Variants in CEP164 observed in about 807,000 individuals in gnomAD.
CEP164 encodes centrosomal protein of 164 kDa.
In CEP164, 162 loss-of-function variants were observed where a neutral mutation model predicts 182.7. The observed-to-expected ratio is 0.89, with a 90% CI of 0.78 to 1.01. The LOEUF is 1.01. Ranked by LOEUF, CEP164 falls within the 50% of genes least tolerant of loss-of-function variation. The pLI, the probability that CEP164 is intolerant of heterozygous loss-of-function variation, is 0.00. For synonymous variants in CEP164, 661 were observed against 690.0 expected, an observed-to-expected ratio of 0.96 and a Z score of 0.66; for missense variants, 1,735 against 1,790.4, an observed-to-expected ratio of 0.97 and a Z score of 0.56.
intron 4 of CEP164, among the ~76,000 whole-genome samples, chr11:117,348,484 CTT>C (rs2039238966): frequency 6.6e-6 from 1 of 152,040 alleles, no homozygotes; most frequent in Non-Finnish European, 1.5e-5. Flanking sequence ...TGGCAGAACT[CTT>C]TGATTATTCT....
chr11:117,400,926 C>T (rs2046062377), intron 27 of CEP164, among the ~76,000 whole-genome samples: 1 of 152,200 alleles, frequency 6.6e-6, no homozygotes, highest in African/African-American at 2.4e-5. Flanking sequence ...GTCATGTCAT[C>T]TGCAAACAGA....
rs1467858639 is a variant in CEP164 at position 117,361,972 on chromosome 11, T to C, written c.531T>C (p.Arg177=). The part of the protein sequence containing the change: ...VSLGSSVESG[R]QLGELMLPSQ... Reference sequence around the variant, plus strand: ...TGGGGAGCTCAGTGGAGTCTGGACGTCAGCTTGGAGAACTCATGCTGGTAA... The same window carrying C: ...TGGGGAGCTCAGTGGAGTCTGGACGCCAGCTTGGAGAACTCATGCTGGTAA... The change falls in exon 6 of 33, where the codon CGT becomes CGC. Residue 177 remains arginine (R), a synonymous_variant. Transcript: ENST00000278935. 1 of 1,583,558 alleles carries C rather than the reference T, an allele frequency of 6.3e-7. No homozygotes were observed. The highest frequency in any genetic ancestry group is 8.6e-7 in the Non-Finnish European group (1 of 1,169,496).
At chr11:117,380,527 T>C (rs755154957) in intron 11 of CEP164, 87 bp from the exon 12 acceptor site, 3 of 1,070,970 alleles carry the variant, frequency 2.8e-6, no homozygotes, top group Non-Finnish European at 4.2e-6. Flanking sequence ...CTCAGTGCTT[T>C]CGTCTAAGCT....
intron 14 of CEP164, chr11:117,386,030 G>A (rs1468981927): frequency 6.6e-6 from 1 of 152,220 alleles, no homozygotes; most frequent in African/African-American, 2.4e-5. Context: ...GAGCTGGAGG[G>A]AGAAGGGATT....
intron 2 of CEP164, chr11:117,336,610 G>C (rs1300263927): frequency 9.7e-6 from 13 of 1,342,876 alleles, no homozygotes; most frequent in African/African-American, 1.4e-5. Context: ...GGCCCTGGCT[G>C]TCTGGCATTG....
chr11:117,363,525 A>G lies in CEP164; in HGVS notation c.765+19A>G, dbSNP rs970485689. 15 of 1,570,956 alleles carry G rather than the reference A, an allele frequency of 9.5e-6. No individual in the cohort carries two copies. The highest frequency in any genetic ancestry group is 1.7e-5 in the Admixed American group (1 of 59,696). On this transcript the variant is annotated intron_variant, in intron 8 of 32. Coordinates refer to ENST00000278935, the MANE Select transcript of CEP164 (RefSeq NM_014956.5). The stretch of plus-strand genomic sequence containing the variant: ...GTATGAGGTAAGAGCCCTAATCCCT[A>G]CAGGCACATGTGTCAGCCTGGCATA...
chr11:117,394,989 C>T lies in CEP164; in HGVS notation c.2830C>T (p.Leu944=), dbSNP rs535510256. 1 of 1,614,188 alleles carries T rather than the reference C, an allele frequency of 6.2e-7. No individual in the cohort carries two copies. Among genetic ancestry groups the T allele is most frequent in the Middle Eastern group, 1.7e-4 (1 of 6,050 alleles). Residue 944 remains leucine, a synonymous_variant, in exon 22 of 33, where the codon CTG becomes TTG. Coordinates refer to ENST00000278935, the MANE Select transcript of CEP164 (RefSeq NM_014956.5). This position sits in a 1 kb window ranked among gnomAD's most constrained non-coding sequence, Gnocchi z 4.0. ...RAKDVKARLA[L]LEVQEETARR... ...TAAAGATGTCAAGGCCAGATTGGCT[C>T]TGCTGGAGGTCCAGGTGAGGGATCT... is the stretch of plus-strand genomic sequence containing the variant.
chr11:117,405,225 C>T (rs1456809838), intron 27 of CEP164, among the ~76,000 whole-genome samples: 1 of 152,182 alleles, frequency 6.6e-6, no homozygotes, highest in Admixed American at 6.5e-5. Flanking sequence ...GCAGCTAGCT[C>T]AGTGTCTGCC....
chr11:117,391,299 G>A, intron 17 of CEP164, 84 bp downstream of exon 17: 4 of 1,075,604 alleles, frequency 3.7e-6, no homozygotes, highest in South Asian at 2.8e-5. Context: ...GAGAAGAAGG[G>A]CAAGTCTCGG....
chr11:117,335,238 GTTC>G (rs1304042623), intron 1 of CEP164, among the ~76,000 whole-genome samples: 2 of 152,176 alleles, frequency 1.3e-5, no homozygotes, highest in Non-Finnish European at 1.5e-5. Context: ...GATGTTACGG[GTTC>G]TTCTGAGGGT....
chr11:117,358,631 G>A (rs1333561021), intron 5 of CEP164, among the ~76,000 whole-genome samples: 1 of 150,434 alleles, frequency 6.6e-6, no homozygotes, highest in Non-Finnish European at 1.5e-5. Flanking sequence ...GCAGCCTTGA[G>A]CTCCTGGGCT....
Position 117,391,114 on chromosome 11 carries a change from G to T in CEP164, c.2182G>T (p.Glu728Ter), listed in dbSNP as rs753751317. ...GCAAATGCTGGAGCAGCTCAAGGAA[G>T]AGATAGAGGCTTCGGAGAAGAGCGA... ...NRQMLEQLKE[E>*]IEASEKSEQA... Residue 728 changes from glutamate (E) to a stop codon, truncating the protein, a stop_gained, in exon 17 of 33, where the codon GAG (glutamate) becomes TAG (stop). Coordinates refer to ENST00000278935, the MANE Select transcript of CEP164 (RefSeq NM_014956.5). LOFTEE classifies it high-confidence loss of function. 1 of 1,614,100 alleles carries T rather than the reference G, an allele frequency of 6.2e-7. No individual in the cohort carries two copies. The highest frequency in any genetic ancestry group is 8.5e-7 in the Non-Finnish European group (1 of 1,180,002).
chr11:117,390,230 A>G (rs2044457474), intron 15 of CEP164, among the ~76,000 whole-genome samples: 1 of 151,980 alleles, frequency 6.6e-6, no homozygotes, highest in Non-Finnish European at 1.5e-5. Context: ...GGTGTGAGCC[A>G]CCACGCCCGG....
rs747103969 is a variant in CEP164 at position 117,387,218 on chromosome 11, T to C, written c.1740T>C (p.Pro580=). ...PVSPEVRSTE[P]VAPPEQLSEA... ...CCCATGGTAGGCGATCCACAGAGCC[T>C]GTGGCTCCCCCAGAGCAGCTCTCAG... Residue 580 remains proline (P), a synonymous_variant, in exon 15 of 33, where the codon CCT becomes CCC. Transcript: ENST00000278935. 2 of 1,614,168 alleles carry C rather than the reference T, an allele frequency of 1.2e-6. No homozygotes were observed. Among genetic ancestry groups the C allele is most frequent in the South Asian group, 2.2e-5 (2 of 91,092 alleles).
rs565651773 is a variant in CEP164 at position 117,384,971 on chromosome 11, G to A, written c.1724+2029G>A. ...GCTAGGAAACAGGAAGGTCCTCCCC[G>A]TGTCATGCCAGCATCTTTCGTGAGG... is the stretch of plus-strand genomic sequence containing the variant. On this transcript the variant is annotated intron_variant, in intron 14 of 32. Transcript: ENST00000278935. 2.7e-4 allele frequency: 41 copies of A among 152,424 alleles called. 1 individual carries two copies. The highest frequency in any genetic ancestry group is 2.4e-3 in the Admixed American group (36 of 15,314). The allele number at this position is 152,424 out of a possible 1,614,324, so 9.4% of individuals were successfully genotyped here. A position where few individuals can be genotyped will look rare whatever the true frequency, so the allele number is the denominator to read the frequency against.
intron 16 of CEP164, 25 bp downstream of exon 16, chr11:117,390,933 T>C: frequency 1.9e-6 from 3 of 1,613,732 alleles, no homozygotes; most frequent in Non-Finnish European, 2.5e-6. Flanking sequence ...ACCTGTGAGC[T>C]GCCCAGCCCT....
At chr11:117,335,356 G>A (rs1234800384) in intron 1 of CEP164, among the ~76,000 whole-genome samples, 1 of 152,076 alleles carries the variant, frequency 6.6e-6, no homozygotes, top group Non-Finnish European at 1.5e-5. Flanking sequence ...AGGGGCAGAA[G>A]CTGGCTCCCT....
intron 1 of CEP164, 150 bp downstream of exon 1, chr11:117,328,054 C>T (rs968025948): frequency 1.3e-5 from 2 of 152,270 alleles, no homozygotes; most frequent in East Asian, 3.9e-4. Flanking sequence ...GCGGGGGACC[C>T]GAGGCACGCT....
intron 5 of CEP164, chr11:117,356,720 C>A (rs1191547174): frequency 7.2e-6 from 8 of 1,117,790 alleles, no homozygotes; most frequent in Middle Eastern, 2.7e-4. Context: ...TTCCTGTTAC[C>A]CACCCTACCG....
Sources: allele counts gnomAD v4.1 joint callset (sites outside exome capture counted in the v4.1 genomes callset), GRCh38; gene constraint gnomAD v4.1.1; non-coding constraint Gnocchi (gnomAD v3.1); transcripts MANE v1.5; gene names NCBI Gene and HGNC (gene_info 2026-07-23, HGNC 2026-07-21).